The following SHKBP1 variants were observed in gnomAD, a reference collection of about 807,000 sequenced individuals.
SHKBP1 encodes the protein SH3KBP1-binding protein 1.
In SHKBP1, 71 loss-of-function variants were observed where a neutral mutation model predicts 83.9. The ratio of observed to expected loss-of-function variants is 0.85; its 90% confidence interval spans 0.70 to 1.03. The LOEUF (loss-of-function observed/expected upper bound fraction) is 1.03, where lower values mean the gene tolerates loss of function less well. Among genes scored for constraint, SHKBP1 ranks in the 50% least tolerant of loss-of-function variants. The pLI, the probability that SHKBP1 is intolerant of heterozygous loss-of-function variation, is 0.00. For synonymous variants in SHKBP1, 371 were observed against 398.0 expected, an observed-to-expected ratio of 0.93 and a Z score of 0.81; for missense variants, 824 against 982.4, an observed-to-expected ratio of 0.84 and a Z score of 2.16.
chr19:40,589,938 A>C (rs1464794252), intron 15 of SHKBP1, among the ~76,000 whole-genome samples: 1 of 151,672 alleles, frequency 6.6e-6, no homozygotes, highest in Non-Finnish European at 1.5e-5. Flanking sequence ...GCTTGATGGG[A>C]GGCCAGGAGC....
chr19:40,579,369 T>G (rs2145977709), intron 6 of SHKBP1, among the ~76,000 whole-genome samples: 1 of 152,282 alleles, frequency 6.6e-6, no homozygotes, highest in South Asian at 2.1e-4. Context: ...CATAGCAGTG[T>G]TATTAAACTC....
rs756050777 is a variant in SHKBP1 at position 40,590,314 on chromosome 19, C to T, written c.1660C>T (p.Arg554Trp). ...AFTVLECEGS[R>W]RLGSRPRRYL... ...CACAGTGCTGGAGTGCGAGGGCTCCCGGCGGCTCGGCTCTCGGCCCCGGCG... is the reference window on the plus strand; with the variant it reads ...CACAGTGCTGGAGTGCGAGGGCTCCTGGCGGCTCGGCTCTCGGCCCCGGCG... Residue 554 changes from arginine (R) to tryptophan (W), a missense_variant, in exon 16 of 18, where the codon CGG (arginine) becomes TGG (tryptophan). Arg to Trp is a moderately radical substitution (Grantham distance 101). Around this residue, in one of 3 missense-constraint regions of SHKBP1, gnomAD observed 287 missense variants for 322.9 expected, o/e 0.89. Transcript: ENST00000291842. This position sits in a 1 kb window ranked among gnomAD's most constrained non-coding sequence, Gnocchi z 4.6. 6.2e-6 allele frequency: 10 copies of T among 1,609,272 alleles called. No homozygotes were observed. Among genetic ancestry groups the T allele is most frequent in the South Asian group, 1.1e-5 (1 of 90,344 alleles).
chr19:40,588,494 G>A, intron 13 of SHKBP1, 130 bp from the exon 14 acceptor site: 1 of 1,158,738 alleles, frequency 8.6e-7, no homozygotes, highest in Non-Finnish European at 1.2e-6. Flanking sequence ...GGGAGGAAAG[G>A]ATTCTCTGAA....
At chr19:40,583,777 A>G in intron 12 of SHKBP1, 60 bp downstream of exon 12, 2 of 1,312,116 alleles carry the variant, frequency 1.5e-6, no homozygotes, top group Non-Finnish European at 2.2e-6. Context: ...CCCAGCCTGC[A>G]GCTGTCCCCC....
At chr19:40,580,512 G>A (rs747090857) in intron 7 of SHKBP1, 27 bp downstream of exon 7, 1 of 1,613,892 alleles carries the variant, frequency 6.2e-7, no homozygotes. Context: ...TGGAAGGTTG[G>A]GGCAGCTGTG....
intron 9 of SHKBP1, among the ~76,000 whole-genome samples, chr19:40,581,517 C>A (rs1420051339): frequency 3.0e-5 from 4 of 131,280 alleles, no homozygotes; most frequent in African/African-American, 9.3e-5. Context: ...GAGTGAGACA[C>A]CATCTCAAAA....
chr19:40,577,892 C>T (rs1451430549), intron 4 of SHKBP1: 1 of 614,512 alleles, frequency 1.6e-6, no homozygotes, highest in Non-Finnish European at 2.9e-6. Flanking sequence ...AGCAAACAGG[C>T]AAAACTTCAT....
Position 40,590,105 on chromosome 19 carries a change from G to C in SHKBP1, c.1590-139G>C. 7 of 978,058 alleles carry C rather than the reference G, an allele frequency of 7.2e-6. No individual in the cohort carries two copies. In the South Asian group the frequency reaches 1.2e-4, roughly 17 times the overall value. The allele number at this position is 978,058 out of a possible 1,614,324, so 60.6% of individuals were successfully genotyped here. ...CAAGAGCTGCTGGACCCTTGGGACTGGAACTCAAAAGCAGGCTAGGGATGG... is the reference window on the plus strand; with the variant it reads ...CAAGAGCTGCTGGACCCTTGGGACTCGAACTCAAAAGCAGGCTAGGGATGG... On this transcript the variant is annotated intron_variant, in intron 15 of 17. Coordinates refer to ENST00000291842, the MANE Select transcript of SHKBP1 (RefSeq NM_138392.4). This position sits in a 1 kb window ranked among gnomAD's most constrained non-coding sequence, Gnocchi z 4.6.
Position 40,589,101 on chromosome 19 carries a change from C to T in SHKBP1, c.1512C>T (p.Asp504=), listed in dbSNP as rs2081335568. 1.1e-5 allele frequency: 17 copies of T among 1,613,036 alleles called. No individual in the cohort carries two copies. Among genetic ancestry groups the T allele is most frequent in the South Asian group, 8.8e-5 (8 of 91,084 alleles). The change falls in exon 15 of 18, where the codon GAC becomes GAT. Residue 504 remains aspartate (D), a synonymous_variant. Transcript: ENST00000291842. ...GNDIGPYGER[D]DQQVFIQKVV... Reference sequence around the variant, plus strand: ...GCCCAGGCCCCTACGGTGAGCGGGACGACCAGCAAGTGTTCATCCAGAAGG... The same window carrying T: ...GCCCAGGCCCCTACGGTGAGCGGGATGACCAGCAAGTGTTCATCCAGAAGG...
At position 40,580,920 on chromosome 19, in the gene SHKBP1, C is replaced by T. The variant is rs759277424; in HGVS notation, c.828C>T (p.Gly276=). ...TGCTATGGGCTCTGCAGGCGGAAGG[C>T]GGTGGCTCCGAGATAGGTATGACCC... ...EILLWALQAE[G]GGSEIGVFHL... is the part of the protein sequence containing the mutation. Residue 276 remains glycine, a synonymous_variant, in exon 9 of 18, where the codon GGC becomes GGT. Transcript: ENST00000291842. The T allele has an allele frequency of 7.6e-6, 12 of 1,572,820 alleles. No homozygotes were observed. The highest frequency in any genetic ancestry group is 1.7e-4 in the Middle Eastern group (1 of 5,780).
At position 40,583,683 on chromosome 19, in the gene SHKBP1, C is replaced by T; in HGVS notation, c.1131C>T (p.Val377=). 6.2e-7 allele frequency: 1 copy of T among 1,613,860 alleles called. No individual in the cohort carries two copies. The highest frequency in any genetic ancestry group is 8.5e-7 in the Non-Finnish European group (1 of 1,179,906). Residue 377 remains valine (V), a synonymous_variant, in exon 12 of 18, where the codon GTC becomes GTT. Coordinates refer to ENST00000291842, the MANE Select transcript of SHKBP1 (RefSeq NM_138392.4). ...ATCGGGACCCAGCGGAGGATGGGGT[C>T]ACCGCCCTCAGTGTCTACCTCACCC... ...ELYRDPAEDG[V]TALSVYLTPK...
chr19:40,581,308 C>A (rs933676547), intron 9 of SHKBP1, among the ~76,000 whole-genome samples: 1 of 151,910 alleles, frequency 6.6e-6, no homozygotes, highest in African/African-American at 2.4e-5. Flanking sequence ...GTCAGGAGTT[C>A]GAGACCCCCT....
intron 12 of SHKBP1, chr19:40,585,550 T>TTTTTTTTTTTTCTTTTTTTTTTTTTTC (rs398034634): frequency 6.9e-6 from 1 of 144,712 alleles, no homozygotes. Context: ...TTTTTTTTTT[T>TTTTTTTTTTTTCTTTTTTTTTTTTTTC]GTCTTTTCCT....
intron 9 of SHKBP1, among the ~76,000 whole-genome samples, chr19:40,581,151 C>A (rs1393794819): frequency 1.3e-5 from 2 of 152,148 alleles, no homozygotes; most frequent in East Asian, 3.8e-4. Flanking sequence ...CTCCCTCCAT[C>A]AGAATTCCCT....
In SHKBP1 at chr19:40,588,616, C is replaced by T. The variant is rs759581442; in HGVS notation, c.1337-8C>T. ...GGCCTGACTTCCTGCTCTCCTTGTG[C>T]CCCTCAGTCTGTGCCGACAACAACC... On this transcript the variant is annotated splice_region_variant and splice_polypyrimidine_tract_variant and intron_variant, in intron 13 of 17. Transcript: ENST00000291842. 3 of 1,614,132 alleles carry T rather than the reference C, an allele frequency of 1.9e-6. No individual in the cohort carries two copies. In the East Asian group the frequency reaches 6.7e-5, roughly 36 times the overall value.
At chr19:40,588,832 T>G in intron 14 of SHKBP1, 53 bp downstream of exon 14, 1 of 1,595,230 alleles carries the variant, frequency 6.3e-7, no homozygotes, top group Non-Finnish European at 8.5e-7. Flanking sequence ...ACCTGACCCC[T>G]GTTGACCTCC....
At chr19:40,578,329 G>A (rs2145976055) in intron 5 of SHKBP1, 117 bp downstream of exon 5, 1 of 1,458,800 alleles carries the variant, frequency 6.9e-7, no homozygotes, top group East Asian at 2.3e-5. Context: ...GGGAGGACTG[G>A]TTATGGCCCT....
At position 40,590,804 on chromosome 19, in the gene SHKBP1, C is replaced by T; in HGVS notation, c.1843C>T (p.Pro615Ser). Residue 615 changes from proline (P) to serine (S), a missense_variant, in exon 17 of 18, where the codon CCC (proline) becomes TCC (serine). This residue lies in a region of SHKBP1 where 287 missense variants were observed against 322.9 expected (regional missense o/e 0.89). Coordinates refer to ENST00000291842, the MANE Select transcript of SHKBP1 (RefSeq NM_138392.4). The surrounding 1 kb of genome is among the most constrained non-coding windows in gnomAD (Gnocchi z 4.6). ...GCTGGCCCCGCCGGCTCCTTCAGCT[C>T]CCTCATGGGGCTGTCTCCCCAGCCC... ...CELAPPAPSA[P>S]SWGCLPSPSP... 1.2e-6 allele frequency: 2 copies of T among 1,601,798 alleles called. No individual in the cohort carries two copies. Among genetic ancestry groups the T allele is most frequent in the Non-Finnish European group, 1.7e-6 (2 of 1,170,076 alleles).
chr19:40,577,369 C>G, intron 2 of SHKBP1, 27 bp from the exon 3 acceptor site: 1 of 1,614,038 alleles, frequency 6.2e-7, no homozygotes, highest in African/African-American at 1.3e-5. Flanking sequence ...CGGCCCGTGA[C>G]GCCTGCTCGG....
Sources: gnomAD v4.1 joint callset for allele counts (sites outside exome capture counted in the v4.1 genomes callset) on GRCh38, gnomAD v4.1.1 for gene constraint, gnomAD v4.1.1 regional missense constraint, Gnocchi (gnomAD v3.1) non-coding constraint, MANE v1.5 for transcripts, NCBI Gene and HGNC (gene_info 2026-07-23, HGNC 2026-07-21) for gene names.